HROB: variants seen among roughly 807,000 people sequenced by gnomAD.
HROB encodes homologous recombination factor with OB-fold.
A neutral mutation model predicts 61.0 loss-of-function variants in HROB; 44 were observed. The ratio of observed to expected loss-of-function variants is 0.72; its 90% confidence interval spans 0.57 to 0.93. HROB has a LOEUF of 0.93. HROB is among the 40% of genes least tolerant of loss of function. The probability of loss-of-function intolerance (pLI) is 0.00; values close to 1 mark genes in which losing one functional copy is unlikely to be tolerated. For missense variants in HROB, 716 were observed against 796.2 expected, an observed-to-expected ratio of 0.90 and a Z score of 1.21; for synonymous variants, 301 against 310.4, an observed-to-expected ratio of 0.97 and a Z score of 0.32.
intron 9 of HROB, among the ~76,000 whole-genome samples, chr17:44,158,476 CT>C (rs1002284058): frequency 6.6e-6 from 1 of 152,084 alleles, no homozygotes; most frequent in African/African-American, 2.4e-5. Flanking sequence ...CTAGTTTTAG[CT>C]TTTTTTACTT....
At chr17:44,157,772 T>C in intron 8 of HROB, 61 bp from the exon 9 acceptor site, 1 of 1,288,686 alleles carries the variant, frequency 7.8e-7, no homozygotes, top group Admixed American at 2.0e-5. Flanking sequence ...TGGGTAGAGG[T>C]GGTGCCATCT....
chr17:44,144,886 T>G (rs140157336), intron 1 of HROB, among the ~76,000 whole-genome samples: 1 of 151,924 alleles, frequency 6.6e-6, no homozygotes, highest in African/African-American at 2.4e-5. Context: ...CAGCTAACTT[T>G]TGTATTTTTA....
Position 44,162,132 on chromosome 17 carries a change from G to A in HROB, c.*200G>A, listed in dbSNP as rs2054159214. 9 of 539,628 alleles carry A rather than the reference G, an allele frequency of 1.7e-5. No individual in the cohort carries two copies. In the Admixed American group the frequency reaches 1.7e-4, roughly 10 times the overall value. 33.4% of individuals were successfully genotyped at this position (539,628 alleles called of 1,614,324 possible). A position where few individuals can be genotyped will look rare whatever the true frequency, so the allele number is the denominator to read the frequency against. On this transcript the variant is annotated 3_prime_UTR_variant, in exon 10 of 10. Transcript: ENST00000585683. ...CCCTCACTTTGGGCCTTCCTTTGCC[G>A]TTGGCACCAGAATCCGGCCGGAGAC...
chr17:44,149,723 AG>A (rs1386448116), intron 3 of HROB, among the ~76,000 whole-genome samples: 3 of 152,226 alleles, frequency 2.0e-5, no homozygotes, highest in Admixed American at 6.5e-5. Flanking sequence ...GCATTTGTTA[AG>A]GTCTTATGTG....
chr17:44,142,396 C>T (rs1005865812), intron 1 of HROB, among the ~76,000 whole-genome samples: 2 of 152,016 alleles, frequency 1.3e-5, no homozygotes, highest in Admixed American at 1.3e-4. Flanking sequence ...GGAAACCCCC[C>T]TTTCCAGTGC....
At chr17:44,152,921 C>T (rs1282894191) in intron 5 of HROB, 144 bp downstream of exon 5, 5 of 1,038,506 alleles carry the variant, frequency 4.8e-6, no homozygotes, top group Non-Finnish European at 1.4e-6. Context: ...TTGGTTGTAT[C>T]TTCCACTTAC....
At chr17:44,147,810 G>A (rs1318044469) in intron 2 of HROB, 48 bp from the exon 3 acceptor site, 14 of 1,534,400 alleles carry the variant, frequency 9.1e-6, no homozygotes, top group South Asian at 7.0e-5. Flanking sequence ...AAGCAGAGGG[G>A]TTCTTGATTT....
chr17:44,145,852 G>A (rs2053594587), intron 2 of HROB, among the ~76,000 whole-genome samples: 1 of 152,188 alleles, frequency 6.6e-6, no homozygotes. Flanking sequence ...CCCAGCCAGG[G>A]ATATTTCTTT....
At chr17:44,152,856 A>C in intron 5 of HROB, 79 bp downstream of exon 5, 3 of 1,537,072 alleles carry the variant, frequency 2.0e-6, no homozygotes, top group Non-Finnish European at 2.6e-6. Context: ...ACTCCACCTT[A>C]GGAAGGGGCT....
chr17:44,142,295 C>G (rs2053469154), intron 1 of HROB, 150 bp downstream of exon 1: 1 of 1,072,828 alleles, frequency 9.3e-7, no homozygotes, highest in East Asian at 3.2e-5. Flanking sequence ...GGGCTGTCGT[C>G]AGGGCTTGTC....
intron 2 of HROB, among the ~76,000 whole-genome samples, chr17:44,147,556 G>A (rs1027213180): frequency 2.0e-5 from 3 of 150,260 alleles, no homozygotes; most frequent in African/African-American, 7.4e-5. Flanking sequence ...TCCTGCCTCA[G>A]CCTCCCGAGT....
chr17:44,144,699 G>A (rs964885087), intron 1 of HROB, among the ~76,000 whole-genome samples: 2 of 151,250 alleles, frequency 1.3e-5, no homozygotes, highest in Non-Finnish European at 2.9e-5. Context: ...GCAGGAATGA[G>A]CCACTGCACA....
intron 8 of HROB, among the ~76,000 whole-genome samples, chr17:44,156,421 G>A (rs1419628270): frequency 6.6e-6 from 1 of 152,014 alleles, no homozygotes; most frequent in Non-Finnish European, 1.5e-5. Context: ...ACAGAGTTTT[G>A]CCATATTGGC....
At chr17:44,159,671 G>A (rs1055217118) in intron 9 of HROB, among the ~76,000 whole-genome samples, 13 of 152,238 alleles carry the variant, frequency 8.5e-5, no homozygotes, top group Non-Finnish European at 1.6e-4. Flanking sequence ...AGCAAGTCAC[G>A]TGTCCACGTG....
At chr17:44,159,549 T>A (rs541164435) in intron 9 of HROB, among the ~76,000 whole-genome samples, 2 of 152,234 alleles carry the variant, frequency 1.3e-5, no homozygotes, top group Non-Finnish European at 2.9e-5. Flanking sequence ...CTACCACCAA[T>A]GCGTGGAGTC....
In HROB at chr17:44,155,296, T is replaced by C. The variant is rs773599862; in HGVS notation, c.1655T>C (p.Phe552Ser). 1.2e-6 allele frequency: 2 copies of C among 1,614,148 alleles called. No individual in the cohort carries two copies. Among genetic ancestry groups the C allele is most frequent in the South Asian group, 2.2e-5 (2 of 91,076 alleles). ...SVLLLKQIGVFSPSLRNHYLN... is the reference protein window; with the variant it reads ...SVLLLKQIGVSSPSLRNHYLN... The stretch of plus-strand genomic sequence containing the variant: ...TTTCCTTGACTCCAGATTGGAGTGT[T>C]TTCTCCTTCACTTCGAAATCACTAC... Residue 552 changes from phenylalanine to serine, a missense_variant, in exon 8 of 10, where the codon TTT becomes TCT. Coordinates refer to ENST00000585683, the MANE Select transcript of HROB (RefSeq NM_001171251.3).
intron 9 of HROB, among the ~76,000 whole-genome samples, chr17:44,160,956 A>C (rs2054120149): frequency 6.6e-6 from 1 of 152,164 alleles, no homozygotes; most frequent in South Asian, 2.1e-4. Flanking sequence ...TAATCCCAGC[A>C]CTTTGGGAGG....
At chr17:44,154,475 G>A (rs749362239) in intron 5 of HROB, 81 bp from the exon 6 acceptor site, 15 of 1,353,618 alleles carry the variant, frequency 1.1e-5, no homozygotes, top group South Asian at 1.1e-4. Flanking sequence ...TCCTAACCCC[G>A]GTTGCCCTGG....
chr17:44,152,136 C>T (rs560687944), intron 4 of HROB, among the ~76,000 whole-genome samples: 7 of 152,100 alleles, frequency 4.6e-5, no homozygotes, highest in East Asian at 3.9e-4. Flanking sequence ...TGAGCCACTG[C>T]GCCCAGTCAA....
Sources: gnomAD v4.1 joint callset for allele counts (sites outside exome capture counted in the v4.1 genomes callset) on GRCh38, gnomAD v4.1.1 for gene constraint, MANE v1.5 for transcripts, NCBI Gene and HGNC (gene_info 2026-07-23, HGNC 2026-07-21) for gene names.